RABGAP1L: variants seen among roughly 807,000 people sequenced by gnomAD.
The protein encoded by RABGAP1L is rab GTPase-activating protein 1-like.
Under a neutral mutation model 137.7 loss-of-function variants are expected in RABGAP1L, and 63 were observed. The ratio of observed to expected loss-of-function variants is 0.46; its 90% CI spans 0.37 to 0.56. The LOEUF (loss-of-function observed/expected upper bound fraction) is 0.56, where lower values mean the gene tolerates loss of function less well. Ranked by LOEUF, RABGAP1L falls within the 20% of genes least tolerant of loss-of-function variation. The pLI is 0.00. For synonymous variants in RABGAP1L, 431 were observed against 433.7 expected (o/e 0.99, Z 0.08); for missense variants, 1,095 against 1,244.0 (o/e 0.88, Z 1.80).
At chr1:174,758,876 C>T (rs1416117302) in intron 18 of RABGAP1L, among the ~76,000 whole-genome samples, 1 of 152,136 alleles carries the variant, frequency 6.6e-6, no homozygotes, top group Non-Finnish European at 1.5e-5. Flanking sequence ...AAGGACTCTA[C>T]CCAGCTGCTC....
chr1:174,798,795 C>T (rs1688475941), intron 18 of RABGAP1L, among the ~76,000 whole-genome samples: 1 of 152,238 alleles, frequency 6.6e-6, no homozygotes, highest in East Asian at 1.9e-4. Flanking sequence ...AGAAACCAGC[C>T]TGGTACTTAA....
chr1:174,764,642 ACT>A (rs991941960), intron 18 of RABGAP1L, among the ~76,000 whole-genome samples: 4 of 151,900 alleles, frequency 2.6e-5, no homozygotes, highest in Non-Finnish European at 5.9e-5. Context: ...CTGGGGTCTC[ACT>A]CTGTTGCCCA....
chr1:174,219,304 T>C lies in RABGAP1L; in HGVS notation c.138+9T>C. On this transcript the variant is annotated intron_variant, in intron 2 of 25. Transcript: ENST00000681986. The stretch of plus-strand genomic sequence containing the variant: ...AAAAACCTCAACTGAAGGTATTTTT[T>C]TCTTTTCTACATATGGTATAATTTT... 1 of 1,531,410 alleles carries C rather than the reference T, an allele frequency of 6.5e-7. No individual in the cohort carries two copies. Among genetic ancestry groups the C allele is most frequent in the Non-Finnish European group, 8.8e-7 (1 of 1,132,180 alleles). The allele number at this position is 1,531,410 out of a possible 1,614,324, so 94.9% of individuals were successfully genotyped here.
intron 11 of RABGAP1L, among the ~76,000 whole-genome samples, chr1:174,311,818 G>A (rs1558122578): frequency 6.6e-6 from 1 of 152,148 alleles, no homozygotes; most frequent in African/African-American, 2.4e-5. Context: ...TGTTGGCCAG[G>A]CTTGTCTCAA....
In RABGAP1L at chr1:174,231,272, G is replaced by T; in HGVS notation, c.459G>T (p.Arg153=). The change falls in exon 4 of 26, where the codon CGG becomes CGT. Residue 153 remains arginine, a synonymous_variant. Transcript: ENST00000681986. ...CACGTAATGAAGTAGAGGCTTTACG[G>T]GCAATGGCAACCATGAAATCTTCCA... ...SSPRNEVEAL[R]AMATMKSSSQ... The T allele has an allele frequency of 1.7e-5, 28 of 1,614,076 alleles. No individual in the cohort carries two copies. Among genetic ancestry groups the T allele is most frequent in the Non-Finnish European group, 2.4e-5 (28 of 1,179,996 alleles).
chr1:174,561,843 C>T (rs1667241250), intron 13 of RABGAP1L, among the ~76,000 whole-genome samples: 1 of 152,144 alleles, frequency 6.6e-6, no homozygotes, highest in Non-Finnish European at 1.5e-5. Context: ...ACACCTTATA[C>T]AAAAATTAAC....
At chr1:174,852,815 C>A (rs1290779059) in intron 19 of RABGAP1L, among the ~76,000 whole-genome samples, 61 of 143,346 alleles carry the variant, frequency 4.3e-4, no homozygotes, top group Admixed American at 6.9e-4. Flanking sequence ...GATTTGGTCT[C>A]AAAAAAAAAA....
chr1:174,418,768 G>T (rs896843980), intron 13 of RABGAP1L, among the ~76,000 whole-genome samples: 2 of 152,158 alleles, frequency 1.3e-5, no homozygotes, highest in African/African-American at 4.8e-5. Flanking sequence ...TCTGGGTGCG[G>T]TGGCTCATGC....
intron 15 of RABGAP1L, among the ~76,000 whole-genome samples, chr1:174,695,824 TG>T (rs1679211865): frequency 6.6e-6 from 1 of 152,252 alleles, no homozygotes. Context: ...CTTTAGGGGA[TG>T]CCCCAAGCCA....
chr1:174,926,363 T>G (rs1405143471), intron 19 of RABGAP1L, among the ~76,000 whole-genome samples: 1 of 152,194 alleles, frequency 6.6e-6, no homozygotes, highest in African/African-American at 2.4e-5. Flanking sequence ...ATTTATGAAT[T>G]GATTATGGAA....
intron 13 of RABGAP1L, among the ~76,000 whole-genome samples, chr1:174,607,549 A>G (rs1215822634): frequency 6.6e-6 from 1 of 152,100 alleles, no homozygotes; most frequent in African/African-American, 2.4e-5. Context: ...TGTTGTTTAA[A>G]GACTCAAAAT....
intron 12 of RABGAP1L, among the ~76,000 whole-genome samples, chr1:174,386,844 A>G (rs1020844884): frequency 3.3e-5 from 5 of 152,176 alleles, no homozygotes; most frequent in African/African-American, 1.2e-4. Context: ...AGTTCTAGTG[A>G]GTAAGTGAAT....
chr1:174,333,601 A>G (rs1681222941), intron 11 of RABGAP1L, among the ~76,000 whole-genome samples: 1 of 152,226 alleles, frequency 6.6e-6, no homozygotes, highest in South Asian at 2.1e-4. Context: ...GACTAAAATT[A>G]TACAACAGAT....
chr1:174,504,072 A>C lies in RABGAP1L; in HGVS notation c.1710+109927A>C, dbSNP rs914442570. Among the ~76,000 whole-genome samples, 11 of 151,732 alleles carry C rather than the reference A, an allele frequency of 7.2e-5. No individual in the cohort carries two copies. In the East Asian group the frequency reaches 1.5e-3, roughly 21 times the overall value. ...ACCACAAACGCCGCCTTCAGAGCTC[A>C]AGCCATCCTCTCAACTTAGCCTCCT... On this transcript the variant is annotated intron_variant, in intron 13 of 25. Coordinates refer to ENST00000681986, the MANE Select transcript of RABGAP1L (RefSeq NM_001366446.1).
intron 1 of RABGAP1L, among the ~76,000 whole-genome samples, chr1:174,177,863 A>T (rs1447493408): frequency 6.6e-6 from 1 of 152,214 alleles, no homozygotes; most frequent in African/African-American, 2.4e-5. Context: ...TAGCAGTACC[A>T]TGCTGTTTTG....
At chr1:174,552,925 G>C (rs1397350671) in intron 13 of RABGAP1L, among the ~76,000 whole-genome samples, 1 of 152,160 alleles carries the variant, frequency 6.6e-6, no homozygotes, top group Non-Finnish European at 1.5e-5. Context: ...ATTCTGACTG[G>C]TGTGAGATGG....
At chr1:174,160,421 G>A (rs1402294227) in intron 1 of RABGAP1L, among the ~76,000 whole-genome samples, 1 of 152,238 alleles carries the variant, frequency 6.6e-6, no homozygotes, top group Non-Finnish European at 1.5e-5. Context: ...CTAGCGGGAG[G>A]TGGCCGGGTG....
At chr1:174,518,160 T>G (rs1663032645) in intron 13 of RABGAP1L, among the ~76,000 whole-genome samples, 1 of 152,192 alleles carries the variant, frequency 6.6e-6, no homozygotes, top group Non-Finnish European at 1.5e-5. Flanking sequence ...CATCTGAGAT[T>G]CTGATTTAAG....
At chr1:174,184,020 C>G (rs1191090186) in intron 1 of RABGAP1L, among the ~76,000 whole-genome samples, 1 of 148,954 alleles carries the variant, frequency 6.7e-6, no homozygotes, top group Non-Finnish European at 1.5e-5. Context: ...CACCCACCAC[C>G]ATGCCCGGCT....
Sources: allele counts gnomAD v4.1 joint callset (sites outside exome capture counted in the v4.1 genomes callset), GRCh38; gene constraint gnomAD v4.1.1; transcripts MANE v1.5; gene names NCBI Gene and HGNC (gene_info 2026-07-23, HGNC 2026-07-21).